Variants in DCAF8L2 observed in about 807,000 individuals in gnomAD.
DCAF8L2 encodes DDB1- and CUL4-associated factor 8-like protein 2.
For missense variants in DCAF8L2, 430 were observed against 490.7 expected, an observed-to-expected ratio of 0.88 and a Z score of 1.17; for synonymous variants, 200 against 190.9, an observed-to-expected ratio of 1.05 and a Z score of -0.39.
Position 27,749,464 on chromosome X carries a change from A to G in DCAF8L2, c.*673A>G, listed in dbSNP as rs1420196091. 1.8e-5 allele frequency among the ~76,000 whole-genome samples: 2 copies of G among 112,336 alleles called. No individual in the cohort carries two copies. The highest frequency in any genetic ancestry group is 9.5e-5 in the Admixed American group (1 of 10,561). The stretch of plus-strand genomic sequence containing the variant: ...TAACCAGATAATTCATCTCCTTAGA[A>G]TAAATAACGTGGGATTGCCTACATT... On this transcript the variant is annotated 3_prime_UTR_variant, in exon 5 of 5. Transcript: ENST00000451261.
the DCAF8L2 span, among the ~76,000 whole-genome samples, chrX:27,528,476 G>GTATA: frequency 0.27 from 22,487 of 82,894 alleles, 2,583 homozygotes; most frequent in East Asian, 0.41. Flanking sequence ...ATGTGTATGT[G>GTATA]TATATATATA....
At position 27,667,342 on chromosome X, in the gene DCAF8L2, G is replaced by T. The variant is rs186202011; in HGVS notation, c.-219-10494G>T. Among the ~76,000 whole-genome samples, 38 of 111,722 alleles carry T rather than the reference G, an allele frequency of 3.4e-4. No individual in the cohort carries two copies. The East Asian group carries it at 9.5e-3, about 28-fold the overall frequency. On this transcript the variant is annotated intron_variant, in intron 2 of 4. Coordinates refer to ENST00000451261, the MANE Select transcript of DCAF8L2 (RefSeq NM_001353450.2). Reference sequence around the variant, plus strand: ...TGTTAAGCTACAACTAGGTTAGGTTGTACAGGAAGTTCAATGAGTAAATAT... The same window carrying T: ...TGTTAAGCTACAACTAGGTTAGGTTTTACAGGAAGTTCAATGAGTAAATAT...
chrX:27,506,413 G>T, the DCAF8L2 span, among the ~76,000 whole-genome samples: 3 of 111,578 alleles, frequency 2.7e-5, no homozygotes, highest in Non-Finnish European at 5.7e-5. Context: ...CTGTAAGAAA[G>T]TCTCACAAAC....
At chrX:27,655,603 C>CTAT (rs932048300) in intron 2 of DCAF8L2, among the ~76,000 whole-genome samples, 5 of 111,673 alleles carry the variant, frequency 4.5e-5, no homozygotes, top group Non-Finnish European at 7.5e-5. Flanking sequence ...GATTGTTAAA[C>CTAT]TATTATTATT....
the DCAF8L2 span, among the ~76,000 whole-genome samples, chrX:27,572,757 TA>T: frequency 9.0e-6 from 1 of 111,608 alleles, no homozygotes; most frequent in African/African-American, 3.3e-5. Context: ...ACCTATTTAT[TA>T]AGAGTCCTGT....
At position 27,749,219 on chromosome X, in the gene DCAF8L2, C is replaced by T. The variant is rs1332850157; in HGVS notation, c.*428C>T. On this transcript the variant is annotated 3_prime_UTR_variant, in exon 5 of 5. Coordinates refer to ENST00000451261, the MANE Select transcript of DCAF8L2 (RefSeq NM_001353450.2). Reference sequence around the variant, plus strand: ...ATCTTTAACAATTTTTTCTGAAGATCGAGTTCCTCAGTTGACCTGAAAATT... The same window carrying T: ...ATCTTTAACAATTTTTTCTGAAGATTGAGTTCCTCAGTTGACCTGAAAATT... Among the ~76,000 whole-genome samples the T allele has an allele frequency of 9.0e-6, 1 of 111,693 alleles. No individual in the cohort carries two copies. Among genetic ancestry groups the T allele is most frequent in the African/African-American group, 3.3e-5 (1 of 30,719 alleles).
chrX:27,541,518 G>A, the DCAF8L2 span, among the ~76,000 whole-genome samples: 6 of 107,872 alleles, frequency 5.6e-5, no homozygotes, highest in Non-Finnish European at 1.2e-4. Context: ...TCAGGCATGC[G>A]CTACCATGCC....
the DCAF8L2 span, among the ~76,000 whole-genome samples, chrX:27,524,138 G>A: frequency 9.0e-6 from 1 of 111,426 alleles, no homozygotes; most frequent in Non-Finnish European, 1.9e-5. Context: ...GGTAGAACTC[G>A]GCTGTGAATC....
At chrX:27,704,159 T>C (rs1460127805) in intron 3 of DCAF8L2, among the ~76,000 whole-genome samples, 1 of 72,332 alleles carries the variant, frequency 1.4e-5, no homozygotes, top group Non-Finnish European at 2.6e-5. Flanking sequence ...CTGCAGTATA[T>C]ATATATATAT....
chrX:27,649,125 G>A (rs1695346174), intron 2 of DCAF8L2, among the ~76,000 whole-genome samples: 1 of 112,141 alleles, frequency 8.9e-6, no homozygotes. Flanking sequence ...GCTGCAAAGG[G>A]CATGATTTTA....
At chrX:27,613,739 T>C (rs2147141648) in intron 1 of DCAF8L2, among the ~76,000 whole-genome samples, 1 of 111,524 alleles carries the variant, frequency 9.0e-6, no homozygotes. Flanking sequence ...GTTCTGTTTA[T>C]GTGATGGATT....
chrX:27,734,759 T>C (rs1199987464), intron 4 of DCAF8L2, among the ~76,000 whole-genome samples: 2 of 111,898 alleles, frequency 1.8e-5, no homozygotes, highest in Non-Finnish European at 3.8e-5. Flanking sequence ...CCTTATACAG[T>C]CTTAGAAATA....
chrX:27,629,518 T>C (rs1174595268), intron 1 of DCAF8L2, among the ~76,000 whole-genome samples: 1 of 108,764 alleles, frequency 9.2e-6, no homozygotes, highest in East Asian at 2.9e-4. Flanking sequence ...CTTTCTTTTC[T>C]TTTCTTTTTC....
chrX:27,672,573 T>C (rs1220691554), intron 2 of DCAF8L2, among the ~76,000 whole-genome samples: 1 of 111,851 alleles, frequency 8.9e-6, no homozygotes, highest in East Asian at 2.8e-4. Context: ...AGTATTGCAA[T>C]GCATTACAAT....
chrX:27,554,383 C>T, the DCAF8L2 span, among the ~76,000 whole-genome samples: 1 of 111,990 alleles, frequency 8.9e-6, no homozygotes, highest in African/African-American at 3.2e-5. Flanking sequence ...TTTTCCAACC[C>T]TGGCACATTT....
chrX:27,653,799 C>A (rs1929246195), intron 2 of DCAF8L2, among the ~76,000 whole-genome samples: 1 of 109,367 alleles, frequency 9.1e-6, no homozygotes, highest in Non-Finnish European at 1.9e-5. Flanking sequence ...GTCTCATTTT[C>A]TGCCAGTTAG....
chrX:27,507,848 A>C, the DCAF8L2 span, among the ~76,000 whole-genome samples: 11 of 111,711 alleles, frequency 9.8e-5, no homozygotes, highest in African/African-American at 3.6e-4. Flanking sequence ...TATAGTGTCT[A>C]TACTGACAGT....
chrX:27,724,762 T>C (rs185069449), intron 4 of DCAF8L2, among the ~76,000 whole-genome samples: 1 of 111,266 alleles, frequency 9.0e-6, no homozygotes, highest in East Asian at 2.8e-4. Context: ...TATTAACAAT[T>C]TGATAGATTG....
At chrX:27,572,994 G>A in the DCAF8L2 span, among the ~76,000 whole-genome samples, 1 of 110,641 alleles carries the variant, frequency 9.0e-6, no homozygotes, top group African/African-American at 3.3e-5. Context: ...ATCAGAAGTA[G>A]GGTCTTATTT....
Sources: gnomAD v4.1 joint callset for allele counts (sites outside exome capture counted in the v4.1 genomes callset) on GRCh38, gnomAD v4.1.1 for gene constraint, MANE v1.5 for transcripts, NCBI Gene and HGNC (gene_info 2026-07-23, HGNC 2026-07-21) for gene names.